The following SLC25A13 variants were observed in gnomAD, a reference collection of about 807,000 sequenced individuals.
The protein encoded by SLC25A13 is electrogenic aspartate/glutamate antiporter SLC25A13, mitochondrial.
A neutral mutation model predicts 85.5 loss-of-function variants in SLC25A13; 70 were observed. The observed-to-expected ratio is 0.82, with a 90% CI of 0.68 to 1.00. The LOEUF (loss-of-function observed/expected upper bound fraction) is 1.00, where lower values mean the gene tolerates loss of function less well. Among genes scored for constraint, SLC25A13 ranks in the 50% least tolerant of loss-of-function variants. The pLI is 0.00. For synonymous variants in SLC25A13, 259 were observed against 288.7 expected (o/e 0.90, Z 1.04); for missense variants, 765 against 819.8 (o/e 0.93, Z 0.82).
intron 3 of SLC25A13, among the ~76,000 whole-genome samples, chr7:96,261,108 T>G (rs886358510): frequency 6.6e-5 from 10 of 152,282 alleles, no homozygotes; most frequent in Non-Finnish European, 1.0e-4. Context: ...TTCTTCTCTA[T>G]TGAGAAGGCT....
At chr7:96,143,447 C>A (rs2116471604) in intron 14 of SLC25A13, among the ~76,000 whole-genome samples, 1 of 152,246 alleles carries the variant, frequency 6.6e-6, no homozygotes, top group Non-Finnish European at 1.5e-5. Flanking sequence ...GTAGACATTG[C>A]AGATTTGTTT....
chr7:96,194,620 G>A (rs990196381), intron 5 of SLC25A13, among the ~76,000 whole-genome samples: 4 of 151,934 alleles, frequency 2.6e-5, no homozygotes, highest in African/African-American at 9.7e-5. Context: ...ATGAATTTGT[G>A]CAAACTAAAG....
At chr7:96,162,499 G>T (rs1793548063) in intron 13 of SLC25A13, among the ~76,000 whole-genome samples, 1 of 151,684 alleles carries the variant, frequency 6.6e-6, no homozygotes, top group Non-Finnish European at 1.5e-5. Flanking sequence ...ATGACTCAAG[G>T]CTGCCATATG....
At chr7:96,309,241 T>C (rs961012262) in intron 1 of SLC25A13, among the ~76,000 whole-genome samples, 2 of 152,218 alleles carry the variant, frequency 1.3e-5, no homozygotes, top group Non-Finnish European at 2.9e-5. Flanking sequence ...TGTTTGGACC[T>C]GCTGGGAATT....
chr7:96,137,131 A>G (rs1035537122), intron 14 of SLC25A13, among the ~76,000 whole-genome samples: 1 of 152,162 alleles, frequency 6.6e-6, no homozygotes, highest in Admixed American at 6.5e-5. Context: ...TCTCCAGCCC[A>G]GTCAAAGGAT....
intron 13 of SLC25A13, among the ~76,000 whole-genome samples, chr7:96,153,613 A>C (rs1793135064): frequency 6.6e-6 from 1 of 152,148 alleles, no homozygotes; most frequent in South Asian, 2.1e-4. Context: ...CACTGTGTGC[A>C]CCCACGACTG....
intron 4 of SLC25A13, among the ~76,000 whole-genome samples, chr7:96,212,878 G>A (rs1469106169): frequency 1.3e-5 from 2 of 152,152 alleles, no homozygotes; most frequent in Non-Finnish European, 1.5e-5. Flanking sequence ...TAATTTCTAC[G>A]AAATTTACTT....
intron 4 of SLC25A13, 57 bp downstream of exon 4, chr7:96,234,742 AAAG>A: frequency 7.5e-7 from 1 of 1,335,332 alleles, no homozygotes; most frequent in Non-Finnish European, 1.1e-6. Context: ...GAAAAAAAAA[AAAG>A]AAAATGCTCA....
At chr7:96,283,582 TA>T in intron 2 of SLC25A13, 1 of 330,032 alleles carries the variant, frequency 3.0e-6, no homozygotes, top group Non-Finnish European at 6.0e-6. Context: ...GGCACTGTTG[TA>T]AACAACAAGT....
chr7:96,228,362 C>A (rs1271130048), intron 4 of SLC25A13, among the ~76,000 whole-genome samples: 1 of 152,064 alleles, frequency 6.6e-6, no homozygotes, highest in African/African-American at 2.4e-5. Context: ...AAGAAGATAG[C>A]CAAATGGCCA....
chr7:96,260,774 C>T (rs1584527588), intron 3 of SLC25A13, among the ~76,000 whole-genome samples: 1 of 152,142 alleles, frequency 6.6e-6, no homozygotes, highest in South Asian at 2.1e-4. Flanking sequence ...GTCTTGCCAT[C>T]ACCTTTTACA....
intron 14 of SLC25A13, among the ~76,000 whole-genome samples, chr7:96,139,186 C>G (rs187036488): frequency 2.0e-5 from 3 of 152,102 alleles, no homozygotes; most frequent in Non-Finnish European, 4.4e-5. Context: ...TTTCTACACA[C>G]GAGTCAATGA....
At position 96,121,933 on chromosome 7, in the gene SLC25A13, GGCA is replaced by G. The variant is rs781077173; in HGVS notation, c.1653_1655del (p.Ala552del). The G allele has an allele frequency of 2.5e-6, 4 of 1,614,054 alleles. No individual in the cohort carries two copies. The Admixed American group carries it at 6.7e-5, about 27-fold the overall frequency. On this transcript the variant is annotated inframe_deletion, in exon 16 of 18. Coordinates refer to ENST00000265631, the MANE Select transcript of SLC25A13 (RefSeq NM_014251.3). ...CGCTGTAAGTGGTTTGGCCAGCCCG[GGCA>G]GCCACCTGTAATCTCGTCTTGATAA... is the stretch of plus-strand genomic sequence containing the variant.
At chr7:96,224,802 A>G (rs576280404) in intron 4 of SLC25A13, among the ~76,000 whole-genome samples, 37 of 152,308 alleles carry the variant, frequency 2.4e-4, no homozygotes, top group African/African-American at 8.2e-4. Flanking sequence ...TGAGACCACA[A>G]TGGGCTAACT....
chr7:96,187,866 A>T (rs980131019), intron 9 of SLC25A13, among the ~76,000 whole-genome samples: 8 of 152,214 alleles, frequency 5.3e-5, no homozygotes, highest in Non-Finnish European at 1.2e-4. Context: ...GGGTTCATGC[A>T]GTAAAAAGCC....
intron 3 of SLC25A13, among the ~76,000 whole-genome samples, chr7:96,266,573 C>T (rs575285635): frequency 6.6e-6 from 1 of 152,240 alleles, no homozygotes; most frequent in Non-Finnish European, 1.5e-5. Flanking sequence ...GCAAAATCAG[C>T]ACCCAATCAG....
At chr7:96,172,421 G>A (rs1214318550) in intron 11 of SLC25A13, among the ~76,000 whole-genome samples, 1 of 151,992 alleles carries the variant, frequency 6.6e-6, no homozygotes, top group Non-Finnish European at 1.5e-5. Flanking sequence ...AGCTGGGTGT[G>A]GTGGCAGGCA....
chr7:96,150,301 C>G (rs1792981416), intron 13 of SLC25A13, among the ~76,000 whole-genome samples: 1 of 152,084 alleles, frequency 6.6e-6, no homozygotes, highest in African/African-American at 2.4e-5. Flanking sequence ...GCTTTATTCT[C>G]ATTCTCAAGA....
chr7:96,196,724 A>G (rs1280063968), intron 5 of SLC25A13, among the ~76,000 whole-genome samples: 1 of 152,218 alleles, frequency 6.6e-6, no homozygotes, highest in East Asian at 1.9e-4. Context: ...TGCTAGATCT[A>G]TGTAGTTCTC....
Sources: gnomAD v4.1 joint callset for allele counts (sites outside exome capture counted in the v4.1 genomes callset) on GRCh38, gnomAD v4.1.1 for gene constraint, MANE v1.5 for transcripts, NCBI Gene and HGNC (gene_info 2026-07-23, HGNC 2026-07-21) for gene names.